NOX4: variants seen among roughly 807,000 people sequenced by gnomAD.
NOX4 encodes the protein kidney oxidase-1.
A neutral mutation model predicts 87.6 loss-of-function variants in NOX4; 69 were observed. The observed-to-expected ratio is 0.79, with a 90% CI of 0.65 to 0.96. NOX4 has a LOEUF of 0.96. Among genes scored for constraint, NOX4 ranks in the 40% least tolerant of loss-of-function variants. NOX4 has a pLI of 0.00. For synonymous variants in NOX4, 275 were observed against 238.2 expected (o/e 1.15, Z -1.42); for missense variants, 680 against 681.5 (o/e 1.00, Z 0.02).
At chr11:89,343,361 C>T (rs1346226457) in intron 13 of NOX4, among the ~76,000 whole-genome samples, 1 of 152,008 alleles carries the variant, frequency 6.6e-6, no homozygotes, top group Non-Finnish European at 1.5e-5. Flanking sequence ...CTGGGAGGCC[C>T]AGTATTGATG....
chr11:89,449,298 A>G (rs1944842964), intron 4 of NOX4, 142 bp downstream of exon 4: 4 of 585,356 alleles, frequency 6.8e-6, no homozygotes, highest in East Asian at 2.9e-5. Flanking sequence ...TCTGCAGGCA[A>G]TTACCCCAAA....
intron 2 of NOX4, among the ~76,000 whole-genome samples, chr11:89,464,688 C>T (rs370120544): frequency 1.3e-3 from 191 of 152,198 alleles, no homozygotes; most frequent in South Asian, 9.5e-3. Flanking sequence ...TTAGTTGTCA[C>T]TAGATGGAAG....
chr11:89,373,390 T>A (rs745593977), intron 12 of NOX4, 42 bp downstream of exon 12: 9 of 1,087,338 alleles, frequency 8.3e-6, no homozygotes, highest in Non-Finnish European at 1.3e-5. Flanking sequence ...TACATTCCAC[T>A]ATTTTCAAAG....
At chr11:89,513,105 G>C in the NOX4 span, among the ~76,000 whole-genome samples, 1 of 152,054 alleles carries the variant, frequency 6.6e-6, no homozygotes, top group African/African-American at 2.4e-5. Flanking sequence ...CAGATGACCA[G>C]AAGTCAGGAG....
chr11:89,451,599 C>T (rs1160729940), intron 3 of NOX4, among the ~76,000 whole-genome samples, 186 bp downstream of exon 3: 1 of 152,098 alleles, frequency 6.6e-6, no homozygotes, highest in Non-Finnish European at 1.5e-5. Flanking sequence ...TACTATTATC[C>T]TCTGCCCTTA....
At chr11:89,341,944 T>C (rs1946021398) in intron 14 of NOX4, 130 bp downstream of exon 14, 2 of 776,006 alleles carry the variant, frequency 2.6e-6, no homozygotes, top group Non-Finnish European at 4.1e-6. Context: ...CCCTCACCAA[T>C]CAGGAAATGG....
At chr11:89,532,360 G>A in the NOX4 span, among the ~76,000 whole-genome samples, 1 of 152,230 alleles carries the variant, frequency 6.6e-6, no homozygotes. Flanking sequence ...TGCCCTGGAT[G>A]TGAGACATGG....
At chr11:89,565,670 T>A in the NOX4 span, among the ~76,000 whole-genome samples, 1 of 152,192 alleles carries the variant, frequency 6.6e-6, no homozygotes, top group Non-Finnish European at 1.5e-5. Context: ...GGCACATGTA[T>A]ACATATGTAA....
the NOX4 span, among the ~76,000 whole-genome samples, chr11:89,561,671 C>T: frequency 1.3e-5 from 2 of 152,288 alleles, no homozygotes; most frequent in Admixed American, 1.3e-4. Context: ...ACCTAGGCAT[C>T]TACACTGTGC....
intron 6 of NOX4, among the ~76,000 whole-genome samples, chr11:89,435,830 T>C (rs911765070): frequency 1.3e-5 from 2 of 152,158 alleles, no homozygotes; most frequent in Non-Finnish European, 2.9e-5. Context: ...CTGAAGATTT[T>C]CCATGTTCCT....
chr11:89,346,393 A>T (rs183490581), intron 13 of NOX4, among the ~76,000 whole-genome samples: 288 of 152,200 alleles, frequency 1.9e-3, no homozygotes, highest in Non-Finnish European at 2.6e-3. Context: ...ACCATTATGA[A>T]TGGATACATT....
At chr11:89,507,409 G>T in the NOX4 span, among the ~76,000 whole-genome samples, 2 of 150,472 alleles carry the variant, frequency 1.3e-5, no homozygotes, top group African/African-American at 2.4e-5. Context: ...CACATAATAG[G>T]TAATACATAC....
chr11:89,451,733 G>T, intron 3 of NOX4, 52 bp downstream of exon 3: 3 of 1,239,616 alleles, frequency 2.4e-6, no homozygotes, highest in Non-Finnish European at 3.6e-6. Context: ...ACATGCGACT[G>T]TTACACTTGA....
chr11:89,336,454 CA>C (rs1426044610), intron 16 of NOX4, among the ~76,000 whole-genome samples: 1 of 151,920 alleles, frequency 6.6e-6, no homozygotes, highest in East Asian at 1.9e-4. Flanking sequence ...TACAAATTGT[CA>C]TCGTAAATTT....
At position 89,326,247 on chromosome 11, in the gene NOX4, A is replaced by G. The variant is rs1945216739; in HGVS notation, c.*509T>C. 1 of 152,284 alleles carries G rather than the reference A, an allele frequency of 6.6e-6. No individual in the cohort carries two copies. The highest frequency in any genetic ancestry group is 1.5e-5 in the Non-Finnish European group (1 of 68,106). 9.4% of individuals were successfully genotyped at this position (152,284 alleles called of 1,614,324 possible). ...ATTGACACAAAGTACCCGTATCAAT[A>G]CAGAGTCTTGTGCTGTGTTTTCAAA... On this transcript the variant is annotated 3_prime_UTR_variant, in exon 18 of 18. Transcript: ENST00000263317.
chr11:89,437,635 T>A (rs1944145500), intron 6 of NOX4, among the ~76,000 whole-genome samples: 1 of 152,072 alleles, frequency 6.6e-6, no homozygotes, highest in African/African-American at 2.4e-5. Flanking sequence ...AAATTGTTTT[T>A]ATTGCCAGAG....
chr11:89,500,329 A>G (rs1256113631), upstream of NOX4, among the ~76,000 whole-genome samples: 1 of 152,088 alleles, frequency 6.6e-6, no homozygotes, highest in Non-Finnish European at 1.5e-5. Context: ...GTGGTCTTTC[A>G]TAGTCCTTTC....
At chr11:89,365,397 A>G (rs552877862) in intron 12 of NOX4, among the ~76,000 whole-genome samples, 116 of 152,150 alleles carry the variant, frequency 7.6e-4, no homozygotes, top group African/African-American at 2.7e-3. Flanking sequence ...CTTATAAAAT[A>G]TAAATTGGCG....
chr11:89,487,697 G>C (rs561456319), intron 2 of NOX4, among the ~76,000 whole-genome samples: 2 of 152,262 alleles, frequency 1.3e-5, no homozygotes, highest in East Asian at 3.9e-4. Flanking sequence ...TGTTTGCTAA[G>C]TTCTAAGATG....
Sources: gnomAD v4.1 joint callset for allele counts (sites outside exome capture counted in the v4.1 genomes callset) on GRCh38, gnomAD v4.1.1 for gene constraint, MANE v1.5 for transcripts, NCBI Gene and HGNC (gene_info 2026-07-23, HGNC 2026-07-21) for gene names.